Variants in BNC1 observed in about 807,000 individuals in gnomAD.
BNC1 encodes the protein basonuclin zinc finger protein 1, also known as zinc finger protein basonuclin-1.
BNC1 carries 8 observed loss-of-function variants against 66.5 expected under a neutral mutation model. The ratio of observed to expected loss-of-function variants is 0.12; its 90% CI spans 0.07 to 0.22. BNC1 has a LOEUF of 0.22. Among genes scored for constraint, BNC1 ranks in the 10% least tolerant of loss-of-function variants. The pLI is 1.00. For missense variants in BNC1, 1,069 were observed against 1,241.3 expected, an observed-to-expected ratio of 0.86 and a Z score of 2.09; for synonymous variants, 454 against 452.6, an observed-to-expected ratio of 1.00 and a Z score of -0.04.
At position 83,256,778 on chromosome 15, in the gene BNC1, CATGAG is replaced by C. The variant is rs1208315386; in HGVS notation, c.*659_*663del. The C allele has an allele frequency of 6.6e-6, 1 of 152,196 alleles. No homozygotes were observed. Among genetic ancestry groups the C allele is most frequent in the Non-Finnish European group, 1.5e-5 (1 of 68,060 alleles). 9.4% of individuals were successfully genotyped at this position (152,196 alleles called of 1,614,324 possible). On this transcript the variant is annotated 3_prime_UTR_variant, in exon 5 of 5. Transcript: ENST00000345382. ...TAAATTGAAGACCATTATTTAAGTG[CATGAG>C]ATATTTTTCCCCTAGCTTCTTGAAT...
At chr15:83,269,240 CAAT>C (rs537751531) in intron 1 of BNC1, among the ~76,000 whole-genome samples, 295 of 152,174 alleles carry the variant, frequency 1.9e-3, no homozygotes, top group African/African-American at 6.4e-3. Flanking sequence ...ACAAAAACAA[CAAT>C]GACAAAACCC....
intron 1 of BNC1, 54 bp from the exon 2 acceptor site, chr15:83,268,286 T>G (rs1330036227): frequency 1.4e-6 from 2 of 1,443,920 alleles, no homozygotes; most frequent in African/African-American, 2.8e-5. Context: ...GTGTGAAACA[T>G]TCATTGTATT....
At chr15:83,258,161 G>A (rs972590551) in intron 4 of BNC1, 35 bp from the exon 5 acceptor site, 2 of 1,548,732 alleles carry the variant, frequency 1.3e-6, no homozygotes, top group African/African-American at 2.7e-5. Context: ...TAATGGGTTG[G>A]GCTGTTTTAG....
At chr15:83,268,271 G>A (rs1484101463) in intron 1 of BNC1, 39 bp from the exon 2 acceptor site, 3 of 1,516,948 alleles carry the variant, frequency 2.0e-6, no homozygotes, top group Non-Finnish European at 1.8e-6. Flanking sequence ...GAGCATGTAA[G>A]TGATGTGTGA....
chr15:83,257,296 C>T lies in BNC1; in HGVS notation c.*146G>A. 1.1e-6 allele frequency: 1 copy of T among 948,422 alleles called. No homozygotes were observed. Among genetic ancestry groups the T allele is most frequent in the Non-Finnish European group, 1.6e-6 (1 of 639,106 alleles). 58.8% of individuals were successfully genotyped at this position (948,422 alleles called of 1,614,324 possible). ...CTTCCCACGAGGTTTGTCTTTTGCT[C>T]ATTGTGCTGTGGAAAACTATAAAGT... is the stretch of plus-strand genomic sequence containing the variant. On this transcript the variant is annotated 3_prime_UTR_variant, in exon 5 of 5. Coordinates refer to ENST00000345382, the MANE Select transcript of BNC1 (RefSeq NM_001717.4).
In BNC1 at chr15:83,257,082, A is replaced by G; in HGVS notation, c.*360T>C. 1 of 243,498 alleles carries G rather than the reference A, an allele frequency of 4.1e-6. No individual in the cohort carries two copies. Among genetic ancestry groups the G allele is most frequent in the Non-Finnish European group, 7.9e-6 (1 of 126,978 alleles). The allele number at this position is 243,498 out of a possible 1,614,324, so 15.1% of individuals were successfully genotyped here. A position where few individuals can be genotyped will look rare whatever the true frequency, so the allele number is the denominator to read the frequency against. On this transcript the variant is annotated 3_prime_UTR_variant, in exon 5 of 5. Transcript: ENST00000345382. Reference sequence around the variant, plus strand: ...AGGACCCTTCTTATCCAAGACCTTTAACACTGCAAGCCTCATTTAAAGCCA... The same window carrying G: ...AGGACCCTTCTTATCCAAGACCTTTGACACTGCAAGCCTCATTTAAAGCCA...
intron 1 of BNC1, among the ~76,000 whole-genome samples, chr15:83,279,071 A>G (rs2038353990): frequency 6.6e-6 from 1 of 152,236 alleles, no homozygotes; most frequent in African/African-American, 2.4e-5. Flanking sequence ...TTGAACACCA[A>G]TTAGAAATTT....
chr15:83,261,598 G>A (rs2151434807), intron 4 of BNC1, among the ~76,000 whole-genome samples: 1 of 152,342 alleles, frequency 6.6e-6, no homozygotes, highest in Middle Eastern at 3.4e-3. Flanking sequence ...ATAGGCTAGG[G>A]AGGAAGGTGA....
At chr15:83,284,503 C>T in intron 1 of BNC1, 27 bp downstream of exon 1, 1 of 1,196,266 alleles carries the variant, frequency 8.4e-7, no homozygotes, top group Non-Finnish European at 1.0e-6. Flanking sequence ...AGAGAATCCC[C>T]GCGCCCGCGG....
intron 1 of BNC1, among the ~76,000 whole-genome samples, chr15:83,270,306 A>G (rs962357194): frequency 1.3e-5 from 2 of 152,244 alleles, no homozygotes; most frequent in East Asian, 3.8e-4. Flanking sequence ...CAAAAGGAAC[A>G]TGTACAATAA....
chr15:83,282,898 A>T (rs1262190537), intron 1 of BNC1, among the ~76,000 whole-genome samples: 1 of 152,158 alleles, frequency 6.6e-6, no homozygotes, highest in African/African-American at 2.4e-5. Context: ...CCTGACAGGG[A>T]TTCCCAGGAC....
intron 1 of BNC1, among the ~76,000 whole-genome samples, chr15:83,284,257 G>A (rs2038419037): frequency 6.6e-6 from 1 of 151,982 alleles, no homozygotes; most frequent in African/African-American, 2.4e-5. Context: ...CGGCACCTCC[G>A]ACGCGCCCGC....
chr15:83,257,313 C>T lies in BNC1; in HGVS notation c.*129G>A. On this transcript the variant is annotated 3_prime_UTR_variant, in exon 5 of 5. Transcript: ENST00000345382. ...CTTTTGCTCATTGTGCTGTGGAAAA[C>T]TATAAAGTCAAATCAAATACTTTTG... 9.0e-7 allele frequency: 1 copy of T among 1,116,630 alleles called. No individual in the cohort carries two copies. The highest frequency in any genetic ancestry group is 1.6e-5 in the South Asian group (1 of 64,106). 69.2% of individuals were successfully genotyped at this position (1,116,630 alleles called of 1,614,324 possible).
chr15:83,269,586 G>A (rs1162634897), intron 1 of BNC1, among the ~76,000 whole-genome samples: 1 of 152,174 alleles, frequency 6.6e-6, no homozygotes, highest in East Asian at 1.9e-4. Flanking sequence ...TCATTTTAAG[G>A]AGTATATGAT....
Position 83,257,743 on chromosome 15 carries a change from TCA to T in BNC1, c.2682_2683del (p.Cys894Ter). 6.2e-7 allele frequency: 1 copy of T among 1,614,130 alleles called. No homozygotes were observed. ...TTCCCCAGGGACAAGGCTCGACCCT[TCA>T]CAGTTCCCATCACTGTCCTCCATAA... On this transcript the variant is annotated stop_gained and frameshift_variant, in exon 5 of 5. Transcript: ENST00000345382. LOFTEE classifies it high-confidence loss of function.
At position 83,283,129 on chromosome 15, in the gene BNC1, C is replaced by G. The variant is rs751914268; in HGVS notation, c.99+1401G>C. Reference sequence around the variant, plus strand: ...ATTAAGGCTGGGAGATGGCATTCCACTTAACTGTCAGACTCGGAGCGGTGG... The same window carrying G: ...ATTAAGGCTGGGAGATGGCATTCCAGTTAACTGTCAGACTCGGAGCGGTGG... On this transcript the variant is annotated intron_variant, in intron 1 of 4. Transcript: ENST00000345382. 54 of 1,535,436 alleles carry G rather than the reference C, an allele frequency of 3.5e-5. No homozygotes were observed. The South Asian group carries it at 5.8e-4, about 17-fold the overall frequency.
intron 1 of BNC1, chr15:83,283,234 C>T: frequency 6.5e-7 from 1 of 1,535,684 alleles, no homozygotes; most frequent in Admixed American, 2.0e-5. Context: ...TGGCTCGGAG[C>T]TACGCGCTGA....
chr15:83,284,274 G>A (rs1166775658), intron 1 of BNC1, among the ~76,000 whole-genome samples: 2 of 151,888 alleles, frequency 1.3e-5, no homozygotes, highest in African/African-American at 2.4e-5. Flanking sequence ...CCGCAGATCC[G>A]GCGCGGAGAC....
At chr15:83,266,473 A>G (rs1005855201) in intron 3 of BNC1, among the ~76,000 whole-genome samples, 2 of 152,218 alleles carry the variant, frequency 1.3e-5, no homozygotes, top group Non-Finnish European at 2.9e-5. Flanking sequence ...TCCCTTTCTC[A>G]ATCCCAAACT....
Sources: gnomAD v4.1 joint callset for allele counts (sites outside exome capture counted in the v4.1 genomes callset) on GRCh38, gnomAD v4.1.1 for gene constraint, MANE v1.5 for transcripts, NCBI Gene and HGNC (gene_info 2026-07-23, HGNC 2026-07-21) for gene names.